Variants in ASIC2 observed in about 807,000 individuals in gnomAD.
The protein encoded by ASIC2 is acid sensing ion channel subunit 2.
In ASIC2, 25 loss-of-function variants were observed where a neutral mutation model predicts 57.3. That is an observed-to-expected ratio of 0.44 (90% CI 0.32 to 0.61). ASIC2 has a LOEUF of 0.61. ASIC2 is among the 20% of genes least tolerant of loss of function. The pLI is 0.06. For missense variants in ASIC2, 641 were observed against 738.1 expected (o/e 0.87, Z 1.52); for synonymous variants, 319 against 307.5 (o/e 1.04, Z -0.39).
At chr17:33,189,324 G>C (rs545569821) in intron 1 of ASIC2, among the ~76,000 whole-genome samples, 1 of 152,174 alleles carries the variant, frequency 6.6e-6, no homozygotes, top group African/African-American at 2.4e-5. Flanking sequence ...GAAGAGATGG[G>C]ACAAAGAAGT....
At chr17:33,919,393 G>A (rs1025197605) in intron 1 of ASIC2, among the ~76,000 whole-genome samples, 1 of 152,178 alleles carries the variant, frequency 6.6e-6, no homozygotes, top group South Asian at 2.1e-4. Context: ...CTTTGACAAA[G>A]TCAACACAAA....
chr17:34,143,304 T>C (rs1187729921), intron 1 of ASIC2, among the ~76,000 whole-genome samples: 1 of 152,230 alleles, frequency 6.6e-6, no homozygotes, highest in African/African-American at 2.4e-5. Context: ...ATAGACATAT[T>C]GGTACATGCT....
At chr17:34,050,720 C>A (rs552900107) in intron 1 of ASIC2, among the ~76,000 whole-genome samples, 1 of 152,184 alleles carries the variant, frequency 6.6e-6, no homozygotes, top group East Asian at 1.9e-4. Context: ...CACATAGGAG[C>A]ATGTGTAAGT....
intron 3 of ASIC2, among the ~76,000 whole-genome samples, chr17:33,034,853 T>C (rs1289084761): frequency 6.6e-6 from 1 of 152,224 alleles, no homozygotes; most frequent in African/African-American, 2.4e-5. Context: ...ATCCTGGATC[T>C]ATGAAATGAT....
chr17:34,039,310 G>C (rs1267673232), intron 1 of ASIC2: 1 of 1,613,866 alleles, frequency 6.2e-7, no homozygotes, highest in Admixed American at 1.7e-5. Flanking sequence ...TGTGTTGCCA[G>C]ATCCCGTAGA....
chr17:33,127,034 A>AT (rs1201327173), intron 1 of ASIC2, among the ~76,000 whole-genome samples: 4 of 148,796 alleles, frequency 2.7e-5, no homozygotes, highest in East Asian at 2.0e-4. Flanking sequence ...CGCCCGGCTA[A>AT]TTTTTTTTGT....
intron 1 of ASIC2, among the ~76,000 whole-genome samples, chr17:33,396,712 A>T (rs1405790351): frequency 6.6e-6 from 1 of 152,228 alleles, no homozygotes; most frequent in Non-Finnish European, 1.5e-5. Context: ...ATTTCTCATC[A>T]TGGGGACATA....
At chr17:33,021,155 T>C (rs2091833699) in intron 7 of ASIC2, 64 bp downstream of exon 7, 4 of 1,131,754 alleles carry the variant, frequency 3.5e-6, no homozygotes, top group Non-Finnish European at 5.2e-6. Flanking sequence ...CATCCACCTG[T>C]GCATCCTCCC....
At chr17:33,570,501 C>A (rs57267621) in intron 1 of ASIC2, among the ~76,000 whole-genome samples, 2 of 152,366 alleles carry the variant, frequency 1.3e-5, no homozygotes, top group East Asian at 3.9e-4. Flanking sequence ...TCCTGAGCCC[C>A]AGCACTGGGA....
chr17:34,025,568 T>C (rs1907345935), intron 1 of ASIC2, among the ~76,000 whole-genome samples: 1 of 152,244 alleles, frequency 6.6e-6, no homozygotes, highest in Admixed American at 6.5e-5. Flanking sequence ...TCAAAGGTTA[T>C]AATGACTTAT....
intron 1 of ASIC2, among the ~76,000 whole-genome samples, chr17:33,841,357 A>G (rs1034076065): frequency 3.3e-5 from 5 of 152,214 alleles, no homozygotes; most frequent in African/African-American, 1.2e-4. Context: ...GATTACTTAA[A>G]TGCACTGTTT....
At chr17:33,948,353 G>A (rs1474815464) in intron 1 of ASIC2, among the ~76,000 whole-genome samples, 2 of 152,230 alleles carry the variant, frequency 1.3e-5, no homozygotes, top group Non-Finnish European at 2.9e-5. Flanking sequence ...TCCCGCAGGA[G>A]CCTCATTTTG....
intron 2 of ASIC2, among the ~76,000 whole-genome samples, chr17:33,096,051 AGT>A (rs1354804978): frequency 1.3e-5 from 2 of 152,132 alleles, no homozygotes; most frequent in Admixed American, 6.5e-5. Context: ...GAGACTATAA[AGT>A]GTGTGTGTGC....
intron 1 of ASIC2, among the ~76,000 whole-genome samples, chr17:33,665,528 T>A (rs768149024): frequency 1.3e-5 from 2 of 152,194 alleles, no homozygotes; most frequent in African/African-American, 4.8e-5. Flanking sequence ...AAATTAACAA[T>A]CTTTTAAGAA....
rs546716792 is a variant in ASIC2, at chr17:33,701,745, G to A, written c.555+454233C>T. 2.0e-3 allele frequency among the ~76,000 whole-genome samples: 304 copies of A among 152,306 alleles called. 2 individuals are homozygous for A. Among genetic ancestry groups the A allele is most frequent in the Non-Finnish European group, 3.0e-3 (203 of 68,022 alleles). Reference sequence around the variant, plus strand: ...TTGATCATTAGAGATCAAGTCATGAGGTATTTGCAAGTCACTTAATCGGCC... The same window carrying A: ...TTGATCATTAGAGATCAAGTCATGAAGTATTTGCAAGTCACTTAATCGGCC... On this transcript the variant is annotated intron_variant, in intron 1 of 9. Transcript: ENST00000359872.
chr17:34,091,267 T>G (rs944169954), intron 1 of ASIC2, among the ~76,000 whole-genome samples: 2 of 152,246 alleles, frequency 1.3e-5, no homozygotes, highest in African/African-American at 4.8e-5. Flanking sequence ...GTCTGGAACT[T>G]CTTAGAGGCC....
chr17:33,495,542 CAG>C (rs797010761), intron 1 of ASIC2, among the ~76,000 whole-genome samples: 62 of 152,346 alleles, frequency 4.1e-4, no homozygotes, highest in African/African-American at 1.4e-3. Flanking sequence ...TCTGGGAACT[CAG>C]ATTGATCTTG....
chr17:33,317,278 T>A (rs1906694010), intron 1 of ASIC2, among the ~76,000 whole-genome samples: 1 of 152,194 alleles, frequency 6.6e-6, no homozygotes, highest in African/African-American at 2.4e-5. Context: ...GAGCAGTTCC[T>A]CCTGCTGCAA....
intron 1 of ASIC2, among the ~76,000 whole-genome samples, chr17:33,418,340 C>G (rs959652453): frequency 6.6e-6 from 1 of 151,982 alleles, no homozygotes; most frequent in African/African-American, 2.4e-5. Flanking sequence ...GAAAACCTAC[C>G]TTGAAAAATA....
Sources: allele counts gnomAD v4.1 joint callset (sites outside exome capture counted in the v4.1 genomes callset), GRCh38; gene constraint gnomAD v4.1.1; transcripts MANE v1.5; gene names NCBI Gene and HGNC (gene_info 2026-07-23, HGNC 2026-07-21).